The following ADAP1 variants were observed in gnomAD, a reference collection of about 807,000 sequenced individuals.
ADAP1 encodes the protein arf-GAP with dual PH domain-containing protein 1.
In ADAP1, 31 loss-of-function variants were observed where a neutral mutation model predicts 54.9. That is an observed-to-expected ratio of 0.56 (90% CI 0.42 to 0.76). The LOEUF is 0.76. Among genes scored for constraint, ADAP1 ranks in the 30% least tolerant of loss-of-function variants. ADAP1 has a pLI of 0.00. For missense variants in ADAP1, 535 were observed against 512.4 expected (o/e 1.04, Z -0.42); for synonymous variants, 313 against 202.6 (o/e 1.55, Z -4.63).
At chr7:900,508 A>C in intron 7 of ADAP1, 25 bp downstream of exon 7, 2 of 1,373,882 alleles carry the variant, frequency 1.5e-6, no homozygotes, top group Non-Finnish European at 2.0e-6. Flanking sequence ...TCTGCCCTGG[A>C]GCTGACCGCA....
At chr7:902,477 A>G (rs532945713) in intron 6 of ADAP1, among the ~76,000 whole-genome samples, 2 of 142,452 alleles carry the variant, frequency 1.4e-5, no homozygotes, top group African/African-American at 5.4e-5. Context: ...AAAAAGAAAG[A>G]AAAGAAAGAA....
chr7:903,761 C>T lies in ADAP1; in HGVS notation c.648+365G>A, dbSNP rs73252060. ...TCCTCCCCGTAGGACCCCAGTTCCCCCCGAGGTCCCCTCTGGGCATTGTGG... is the reference window on the plus strand; with the variant it reads ...TCCTCCCCGTAGGACCCCAGTTCCCTCCGAGGTCCCCTCTGGGCATTGTGG... On this transcript the variant is annotated intron_variant, in intron 6 of 10. Coordinates refer to ENST00000265846, the MANE Select transcript of ADAP1 (RefSeq NM_006869.4). 9.1e-3 allele frequency among the ~76,000 whole-genome samples: 1,381 copies of T among 152,310 alleles called. 26 individuals carry two copies. Among genetic ancestry groups the T allele is most frequent in the African/African-American group, 0.031 (1,291 of 41,570 alleles).
chr7:916,938 G>A (rs1036592316), intron 4 of ADAP1, among the ~76,000 whole-genome samples: 9 of 150,720 alleles, frequency 6.0e-5, no homozygotes, highest in East Asian at 3.9e-4. Flanking sequence ...GGAGGTGCAC[G>A]GGAGGGGGGC....
intron 7 of ADAP1, among the ~76,000 whole-genome samples, 175 bp downstream of exon 7, chr7:900,358 C>G (rs780279949): frequency 6.6e-6 from 1 of 152,104 alleles, no homozygotes; most frequent in South Asian, 2.1e-4. Context: ...TTTGGCTGAG[C>G]TGAAGTTCTA....
intron 6 of ADAP1, 170 bp downstream of exon 6, chr7:903,955 GT>G: frequency 3.6e-6 from 3 of 836,318 alleles, no homozygotes; most frequent in Non-Finnish European, 5.3e-6. Flanking sequence ...ACTCCCACAC[GT>G]CCAAGCACCC....
chr7:919,308 C>A (rs1021998293), intron 4 of ADAP1, among the ~76,000 whole-genome samples: 2 of 152,176 alleles, frequency 1.3e-5, no homozygotes, highest in African/African-American at 4.8e-5. Context: ...CAGGCCACCC[C>A]CGAATGGAAG....
chr7:937,128 C>T (rs2128109274), intron 1 of ADAP1, among the ~76,000 whole-genome samples: 1 of 108,062 alleles, frequency 9.3e-6, no homozygotes, highest in East Asian at 3.3e-4. Context: ...CGCCCGACCT[C>T]TGGGATTTGG....
chr7:923,553 G>C (rs1846264018), intron 3 of ADAP1, among the ~76,000 whole-genome samples: 1 of 152,132 alleles, frequency 6.6e-6, no homozygotes, highest in Non-Finnish European at 1.5e-5. Context: ...TGGTGCTGAA[G>C]ATAAAGAGGG....
intron 4 of ADAP1, among the ~76,000 whole-genome samples, chr7:912,395 G>A (rs75308177): frequency 0.021 from 3,133 of 152,284 alleles, 85 homozygotes; most frequent in East Asian, 0.12. Flanking sequence ...CAGGCGGGGG[G>A]CAAGTCTGGC....
intron 4 of ADAP1, among the ~76,000 whole-genome samples, chr7:912,000 G>C (rs909864369): frequency 6.6e-6 from 1 of 152,220 alleles, no homozygotes; most frequent in Non-Finnish European, 1.5e-5. Context: ...AACGGCTGGT[G>C]ATGTTCCCAG....
chr7:909,726 G>A (rs1413722220), intron 4 of ADAP1, among the ~76,000 whole-genome samples: 2 of 152,256 alleles, frequency 1.3e-5, no homozygotes, highest in African/African-American at 2.4e-5. Context: ...GCTGTGGCCA[G>A]AAATGGCCAT....
In ADAP1 at chr7:920,662, C is replaced by A. The variant is rs1036888187; in HGVS notation, c.306-612G>T. 6 of 812,386 alleles carry A rather than the reference C, an allele frequency of 7.4e-6. No homozygotes were observed. Among genetic ancestry groups the A allele is most frequent in the Non-Finnish European group, 9.4e-6 (5 of 530,534 alleles). The allele number at this position is 812,386 out of a possible 1,614,324, so 50.3% of individuals were successfully genotyped here. On this transcript the variant is annotated intron_variant, in intron 3 of 10. Transcript: ENST00000265846. This position sits in a 1 kb window ranked among gnomAD's most constrained non-coding sequence, Gnocchi z 4.5. ...CAAATACCCAAGAATCCAGGAAGAC[C>A]CGGGATGAGGAGAAGCCCCCGAGAG...
At chr7:906,768 T>TCGGGGATGGGACATGGACAGGGGACAG (rs1554272472) in intron 4 of ADAP1, among the ~76,000 whole-genome samples, 1 of 24,702 alleles carries the variant, frequency 4.0e-5, no homozygotes. Context: ...ACAGGGGACA[T>TCGGGGATGGGACATGGACAGGGGACAG]GGGGGACAGG....
intron 1 of ADAP1, among the ~76,000 whole-genome samples, chr7:947,418 C>T (rs1847168278): frequency 1.3e-5 from 2 of 151,968 alleles, no homozygotes; most frequent in Admixed American, 6.6e-5. Flanking sequence ...GTCTCTAGCT[C>T]GGGCCTCTTT....
rs371226770 is a variant in ADAP1, at chr7:952,662, C to T, written c.82+1734G>A. 3.9e-4 allele frequency among the ~76,000 whole-genome samples: 59 copies of T among 152,254 alleles called. 1 individual carries two copies. The highest frequency in any genetic ancestry group is 3.1e-3 in the East Asian group (16 of 5,166). ...GTGGCTCATGTCCCCTAAGACAGCT[C>T]CCTTTGCAAGGCATCAGTCTCCCTG... On this transcript the variant is annotated intron_variant, in intron 1 of 10. Transcript: ENST00000265846.
intron 6 of ADAP1, among the ~76,000 whole-genome samples, chr7:903,160 G>A (rs1281580163): frequency 6.6e-6 from 1 of 152,312 alleles, no homozygotes; most frequent in East Asian, 1.9e-4. Context: ...GCAACACATG[G>A]TCAACTGCGG....
chr7:942,615 GGAGA>G (rs1273672217), intron 1 of ADAP1, among the ~76,000 whole-genome samples: 3 of 39,006 alleles, frequency 7.7e-5, no homozygotes, highest in African/African-American at 2.5e-4. Flanking sequence ...GAGGAGGAAG[GGAGA>G]GAGGAGGAGG....
At position 927,133 on chromosome 7, in the gene ADAP1, G is replaced by C. The variant is rs756491381; in HGVS notation, c.214-489C>G. 26 of 1,303,840 alleles carry C rather than the reference G, an allele frequency of 2.0e-5. No homozygotes were observed. The East Asian group carries it at 1.4e-3, about 72-fold the overall frequency. The allele number at this position is 1,303,840 out of a possible 1,614,324, so 80.8% of individuals were successfully genotyped here. On this transcript the variant is annotated intron_variant, in intron 2 of 10. Transcript: ENST00000265846. ...TGAGCGAGAGACCCAGATGTGGCTA[G>C]GACAGAGTCTCTGAGGGGACTCTGC... is the stretch of plus-strand genomic sequence containing the variant.
At chr7:935,173 C>A (rs1035088892) in intron 2 of ADAP1, 14 of 760,250 alleles carry the variant, frequency 1.8e-5, no homozygotes, top group African/African-American at 1.7e-4. Context: ...AGAGGTTGGA[C>A]CCGGCACGGG....
Sources: gnomAD v4.1 joint callset for allele counts (sites outside exome capture counted in the v4.1 genomes callset) on GRCh38, gnomAD v4.1.1 for gene constraint, Gnocchi (gnomAD v3.1) non-coding constraint, MANE v1.5 for transcripts, NCBI Gene and HGNC (gene_info 2026-07-23, HGNC 2026-07-21) for gene names.